Variants in USP32 observed in about 807,000 individuals in gnomAD.
USP32 encodes the protein ubiquitin specific peptidase 32, also known as ubiquitin carboxyl-terminal hydrolase 32.
Under a neutral mutation model 204.8 loss-of-function variants are expected in USP32, and 59 were observed. The ratio of observed to expected loss-of-function variants is 0.29; its 90% CI spans 0.23 to 0.36. USP32 has a LOEUF of 0.36. USP32 is among the 10% of genes least tolerant of loss of function. The pLI, the probability that USP32 is intolerant of heterozygous loss-of-function variation, is 1.00. For synonymous variants in USP32, 517 were observed against 678.4 expected (o/e 0.76, Z 3.70); for missense variants, 1,160 against 1,946.4 (o/e 0.60, Z 7.60).
At chr17:60,264,964 T>C (rs2086553925) in intron 9 of USP32, among the ~76,000 whole-genome samples, 2 of 151,770 alleles carry the variant, frequency 1.3e-5, no homozygotes, top group African/African-American at 4.8e-5. Flanking sequence ...TTGTTCCCAA[T>C]TAATCTGCAC....
At chr17:60,196,766 G>A (rs1436797301) in intron 27 of USP32, among the ~76,000 whole-genome samples, 6 of 151,756 alleles carry the variant, frequency 4.0e-5, no homozygotes, top group South Asian at 2.1e-4. Flanking sequence ...TGGAGGTTGC[G>A]TTGAGCCGAG....
intron 2 of USP32, among the ~76,000 whole-genome samples, chr17:60,330,018 G>A (rs1291995573): frequency 5.3e-5 from 8 of 152,132 alleles, no homozygotes; most frequent in Admixed American, 5.2e-4. Flanking sequence ...TAATTTCTTT[G>A]AAGTTCTGGG....
intron 26 of USP32, among the ~76,000 whole-genome samples, chr17:60,200,644 A>G (rs1313146744): frequency 6.6e-6 from 1 of 152,170 alleles, no homozygotes; most frequent in Non-Finnish European, 1.5e-5. Flanking sequence ...AACAGAATAT[A>G]GCGAACACTC....
chr17:60,284,207 T>G (rs2145834711), intron 5 of USP32, among the ~76,000 whole-genome samples: 1 of 148,940 alleles, frequency 6.7e-6, no homozygotes, highest in Middle Eastern at 3.5e-3. Context: ...TCAAGATTTT[T>G]TCTTTTCTTT....
At chr17:60,288,175 C>T (rs1227697448) in intron 5 of USP32, among the ~76,000 whole-genome samples, 2 of 145,662 alleles carry the variant, frequency 1.4e-5, no homozygotes, top group African/African-American at 5.1e-5. Context: ...CAACTGTAAT[C>T]GTGACTCAAG....
At chr17:60,193,968 G>A (rs2084449584) in intron 27 of USP32, among the ~76,000 whole-genome samples, 1 of 152,114 alleles carries the variant, frequency 6.6e-6, no homozygotes, top group East Asian at 1.9e-4. Flanking sequence ...CTTCCCTTCT[G>A]AAAATTTCTT....
chr17:60,238,655 A>C (rs959262682), intron 11 of USP32, among the ~76,000 whole-genome samples: 2 of 151,960 alleles, frequency 1.3e-5, no homozygotes, highest in Admixed American at 1.3e-4. Context: ...ATACAAAAAA[A>C]TTAGCTGGTG....
rs567997770 is a variant in USP32, at chr17:60,265,203, T to C, written c.990+209A>G. ...TAATTCTTATAAAATGCCTAGCTTA[T>C]AATAAATGTTTTCACATACAGTTTC... On this transcript the variant is annotated intron_variant, in intron 9 of 33. Transcript: ENST00000300896. 1.4e-3 allele frequency among the ~76,000 whole-genome samples: 219 copies of C among 152,348 alleles called. No individual in the cohort carries two copies. Among genetic ancestry groups the C allele is most frequent in the Admixed American group, 1.8e-3 (27 of 15,310 alleles).
At chr17:60,370,501 C>T (rs116413183) in intron 1 of USP32, among the ~76,000 whole-genome samples, 87 of 152,084 alleles carry the variant, frequency 5.7e-4, no homozygotes, top group African/African-American at 1.8e-3. Flanking sequence ...TGGCTCACAC[C>T]TGTAATCCCA....
intron 2 of USP32, among the ~76,000 whole-genome samples, chr17:60,302,394 A>T (rs1030343142): frequency 6.6e-6 from 1 of 152,118 alleles, no homozygotes. Context: ...TGATCTGCCC[A>T]CCTTGGCCTC....
intron 1 of USP32, among the ~76,000 whole-genome samples, chr17:60,366,757 T>C (rs1208881427): frequency 1.3e-5 from 2 of 152,040 alleles, no homozygotes; most frequent in African/African-American, 2.4e-5. Context: ...GTTTTTTTTT[T>C]TTCATGCTGC....
At chr17:60,351,109 C>T (rs1289106099) in intron 1 of USP32, among the ~76,000 whole-genome samples, 1 of 151,890 alleles carries the variant, frequency 6.6e-6, no homozygotes, top group Non-Finnish European at 1.5e-5. Context: ...ATGGATGGTA[C>T]CAATTACCAC....
At chr17:60,407,632 A>G (rs539061730) in intron 1 of USP32, among the ~76,000 whole-genome samples, 7 of 152,216 alleles carry the variant, frequency 4.6e-5, no homozygotes, top group Admixed American at 3.3e-4. Context: ...TGACATCCAC[A>G]TTAGCCAGGT....
chr17:60,402,252 T>TC (rs1424897948), intron 1 of USP32, among the ~76,000 whole-genome samples: 1 of 149,714 alleles, frequency 6.7e-6, no homozygotes, highest in Non-Finnish European at 1.5e-5. Context: ...TTATCTTTTT[T>TC]TTTTTTTTTT....
At chr17:60,256,261 A>AG (rs2086301407) in intron 9 of USP32, among the ~76,000 whole-genome samples, 1 of 152,172 alleles carries the variant, frequency 6.6e-6, no homozygotes, top group Non-Finnish European at 1.5e-5. Flanking sequence ...ACAAAAACTC[A>AG]TTTTTGTTTT....
chr17:60,274,567 T>C (rs972200833), intron 5 of USP32, among the ~76,000 whole-genome samples: 3 of 151,920 alleles, frequency 2.0e-5, no homozygotes, highest in South Asian at 2.1e-4. Flanking sequence ...AGAACTAAGA[T>C]AATAATTTAT....
intron 1 of USP32, among the ~76,000 whole-genome samples, chr17:60,388,760 C>T (rs1176467143): frequency 6.6e-6 from 1 of 152,070 alleles, no homozygotes; most frequent in African/African-American, 2.4e-5. Flanking sequence ...TTTTAGAAAA[C>T]GTTAAGGTTT....
intron 2 of USP32, among the ~76,000 whole-genome samples, chr17:60,339,811 C>T (rs2088615502): frequency 6.6e-6 from 1 of 151,968 alleles, no homozygotes; most frequent in Non-Finnish European, 1.5e-5. Context: ...AGTGGTTATC[C>T]TTTTTAAGTG....
chr17:60,348,386 G>A (rs1315696905), intron 1 of USP32, among the ~76,000 whole-genome samples: 1 of 152,026 alleles, frequency 6.6e-6, no homozygotes, highest in Admixed American at 6.6e-5. Flanking sequence ...AAATTGATAT[G>A]GAATAGTCAG....
Sources: allele counts gnomAD v4.1 joint callset (sites outside exome capture counted in the v4.1 genomes callset), GRCh38; gene constraint gnomAD v4.1.1; transcripts MANE v1.5; gene names NCBI Gene and HGNC (gene_info 2026-07-23, HGNC 2026-07-21).